The following PDE3B variants were observed in gnomAD, a reference collection of about 807,000 sequenced individuals.
PDE3B encodes phosphodiesterase 3B.
In PDE3B, 66 loss-of-function variants were observed where a neutral mutation model predicts 116.8. The observed-to-expected ratio is 0.56, with a 90% CI of 0.46 to 0.69. PDE3B has a LOEUF of 0.69. Among genes scored for constraint, PDE3B ranks in the 30% least tolerant of loss-of-function variants. The probability of loss-of-function intolerance (pLI) is 0.00; values close to 1 mark genes in which losing one functional copy is unlikely to be tolerated. For synonymous variants in PDE3B, 595 were observed against 533.6 expected (o/e 1.12, Z -1.59); for missense variants, 1,384 against 1,368.1 (o/e 1.01, Z -0.18).
intron 1 of PDE3B, among the ~76,000 whole-genome samples, chr11:14,668,647 G>T (rs1296740288): frequency 6.6e-6 from 1 of 152,122 alleles, no homozygotes; most frequent in Non-Finnish European, 1.5e-5. Context: ...TGAACAGAAA[G>T]TATACAATGA....
intron 5 of PDE3B, among the ~76,000 whole-genome samples, chr11:14,816,665 C>A (rs547943167): frequency 8.5e-5 from 13 of 152,232 alleles, no homozygotes; most frequent in Admixed American, 1.3e-4. Flanking sequence ...TTGTGAAAAC[C>A]AGTATATTTT....
chr11:14,783,438 G>T (rs924548556), intron 2 of PDE3B, among the ~76,000 whole-genome samples: 1 of 152,174 alleles, frequency 6.6e-6, no homozygotes, highest in Non-Finnish European at 1.5e-5. Context: ...CATAAAAATG[G>T]ATGAGTTCAT....
intron 15 of PDE3B, 142 bp downstream of exon 15, chr11:14,867,900 CT>C: frequency 1.5e-6 from 1 of 659,250 alleles, no homozygotes; most frequent in Non-Finnish European, 2.5e-6. Flanking sequence ...CATTGGGACA[CT>C]TGGATTTCAG....
chr11:14,732,714 G>A (rs1463618559), intron 1 of PDE3B, among the ~76,000 whole-genome samples: 1 of 152,070 alleles, frequency 6.6e-6, no homozygotes, highest in South Asian at 2.1e-4. Flanking sequence ...ACATACTCAG[G>A]TCCTACATTA....
chr11:14,841,961 T>G (rs1047947305), intron 11 of PDE3B, among the ~76,000 whole-genome samples: 1 of 149,186 alleles, frequency 6.7e-6, no homozygotes, highest in Non-Finnish European at 1.5e-5. Context: ...ATGAATTTTT[T>G]TTTCTATTTC....
At chr11:14,828,797 A>G (rs1006351449) in intron 7 of PDE3B, among the ~76,000 whole-genome samples, 1 of 152,218 alleles carries the variant, frequency 6.6e-6, no homozygotes. Context: ...TGACCCAGCA[A>G]TCCCATTACT....
the PDE3B span, chr11:14,886,076 C>A: frequency 1.4e-6 from 1 of 697,528 alleles, no homozygotes. Flanking sequence ...GAGTGCCCTC[C>A]TTCTATAAGG....
At chr11:14,772,330 A>C (rs1334940182) in intron 2 of PDE3B, 4 of 154,876 alleles carry the variant, frequency 2.6e-5, no homozygotes, top group African/African-American at 7.2e-5. Flanking sequence ...TATAAAGGGG[A>C]AAAAATAGAT....
intron 7 of PDE3B, among the ~76,000 whole-genome samples, chr11:14,830,118 G>A (rs960913098): frequency 1.1e-4 from 16 of 152,026 alleles, no homozygotes; most frequent in Non-Finnish European, 8.8e-5. Flanking sequence ...TTCTACTGTC[G>A]ATAGGTTTTG....
intron 1 of PDE3B, among the ~76,000 whole-genome samples, chr11:14,743,234 G>A (rs1014674182): frequency 6.6e-6 from 1 of 152,298 alleles, no homozygotes; most frequent in East Asian, 1.9e-4. Flanking sequence ...TGGGGCTGCT[G>A]CCTTTATTTC....
chr11:14,717,350 G>T (rs1307964865), intron 1 of PDE3B, among the ~76,000 whole-genome samples: 1 of 119,582 alleles, frequency 8.4e-6, no homozygotes, highest in Non-Finnish European at 1.7e-5. Context: ...CACTCTGCAG[G>T]ATATTATCCA....
intron 1 of PDE3B, among the ~76,000 whole-genome samples, chr11:14,756,381 A>C (rs1857181128): frequency 6.6e-6 from 1 of 152,182 alleles, no homozygotes; most frequent in Admixed American, 6.5e-5. Flanking sequence ...TTGCCATCGA[A>C]GCCTAAAGAG....
the PDE3B span, chr11:14,891,467 C>T: frequency 3.0e-6 from 3 of 986,730 alleles, no homozygotes; most frequent in Non-Finnish European, 3.6e-6. Flanking sequence ...CGTTCCCCTG[C>T]ATTCTCCATT....
chr11:14,852,504 A>ATTG (rs1241315451), intron 12 of PDE3B, among the ~76,000 whole-genome samples: 3 of 152,364 alleles, frequency 2.0e-5, no homozygotes, highest in Non-Finnish European at 4.4e-5. Flanking sequence ...TGCATACTCA[A>ATTG]TTGTTGTCCT....
intron 1 of PDE3B, among the ~76,000 whole-genome samples, chr11:14,715,814 G>C (rs549439063): frequency 2.0e-5 from 3 of 152,294 alleles, no homozygotes; most frequent in Admixed American, 6.5e-5. Context: ...AGTGGTGAGA[G>C]AGGGCATTGC....
intron 1 of PDE3B, among the ~76,000 whole-genome samples, chr11:14,714,542 A>AG (rs1855816411): frequency 6.7e-6 from 1 of 148,514 alleles, no homozygotes; most frequent in African/African-American, 2.4e-5. Context: ...CCTGTCTCAA[A>AG]AAAAAAAAAA....
intron 5 of PDE3B, 92 bp from the exon 6 acceptor site, chr11:14,818,091 G>GA (rs928057902): frequency 1.4e-5 from 12 of 851,576 alleles, no homozygotes; most frequent in South Asian, 8.2e-5. Context: ...TTTAAATAAG[G>GA]AAAAAATCCA....
intron 11 of PDE3B, among the ~76,000 whole-genome samples, chr11:14,837,051 C>T (rs571341066): frequency 1.3e-5 from 2 of 152,304 alleles, no homozygotes; most frequent in Admixed American, 6.5e-5. Context: ...TGAGCTCAGG[C>T]AATCCGCCCA....
rs190739730 is a variant in PDE3B at position 14,711,610 on chromosome 11, A to C, written c.979-60327A>C. 2.3e-3 allele frequency among the ~76,000 whole-genome samples: 345 copies of C among 152,186 alleles called. 1 individual carries two copies. Among genetic ancestry groups the C allele is most frequent in the Non-Finnish European group, 3.3e-3 (227 of 68,002 alleles). On this transcript the variant is annotated intron_variant, in intron 1 of 15. Transcript: ENST00000282096. The stretch of plus-strand genomic sequence containing the variant: ...GGAGGTGCCGGACTTTGCAACAATC[A>C]TATCTCAAGAGAACTCACTCATTAT...
Sources: gnomAD v4.1 joint callset for allele counts (sites outside exome capture counted in the v4.1 genomes callset) on GRCh38, gnomAD v4.1.1 for gene constraint, MANE v1.5 for transcripts, NCBI Gene and HGNC (gene_info 2026-07-23, HGNC 2026-07-21) for gene names.